Variants in RAP1A observed in about 807,000 individuals in gnomAD.
RAP1A encodes the protein RAP1A, member of RAS oncogene family.
RAP1A carries 6 observed loss-of-function variants against 26.4 expected under a neutral mutation model. The observed-to-expected ratio is 0.23, with a 90% CI of 0.12 to 0.45. The LOEUF (loss-of-function observed/expected upper bound fraction) is 0.45. Ranked by LOEUF, RAP1A falls within the 20% of genes least tolerant of loss-of-function variation. RAP1A has a pLI of 0.99. For missense variants in RAP1A, 121 were observed against 217.2 expected, an observed-to-expected ratio of 0.56 and a Z score of 2.78; for synonymous variants, 73 against 79.4, an observed-to-expected ratio of 0.92 and a Z score of 0.43.
intron 1 of RAP1A, among the ~76,000 whole-genome samples, chr1:111,652,310 A>T (rs1660300872): frequency 6.6e-6 from 1 of 152,216 alleles, no homozygotes; most frequent in Admixed American, 6.5e-5. Flanking sequence ...GACCCTGTGC[A>T]AATCTCTATG....
Position 111,700,220 on chromosome 1 carries a change from A to C in RAP1A, c.183+2723A>C, listed in dbSNP as rs543398991. Among the ~76,000 whole-genome samples, 64 of 152,310 alleles carry C rather than the reference A, an allele frequency of 4.2e-4. 1 individual carries two copies. Among genetic ancestry groups the C allele is most frequent in the Admixed American group, 4.2e-3 (64 of 15,294 alleles). The stretch of plus-strand genomic sequence containing the variant: ...CTAACTTTGTAACCCTGTCTGTATT[A>C]GGCCGTTTGCATTATTGTAAAGAAA... On this transcript the variant is annotated intron_variant, in intron 4 of 7. Coordinates refer to ENST00000369709, the MANE Select transcript of RAP1A (RefSeq NM_002884.4).
At chr1:111,665,746 A>T (rs1660781727) in intron 1 of RAP1A, among the ~76,000 whole-genome samples, 1 of 152,182 alleles carries the variant, frequency 6.6e-6, no homozygotes. Context: ...TGTAGTTCCT[A>T]AAGGCACAGA....
At chr1:111,607,769 G>A (rs1348006738) in intron 1 of RAP1A, among the ~76,000 whole-genome samples, 1 of 138,798 alleles carries the variant, frequency 7.2e-6, no homozygotes, top group East Asian at 2.1e-4. Context: ...GGGCGGCTGG[G>A]CAGAGGCGCC....
intron 1 of RAP1A, among the ~76,000 whole-genome samples, chr1:111,606,350 T>A (rs773522597): frequency 4.6e-5 from 7 of 151,714 alleles, no homozygotes; most frequent in Non-Finnish European, 1.0e-4. Context: ...AAAAAAAAAA[T>A]GCCTTCATTC....
chr1:111,647,025 C>T (rs1433093977), intron 1 of RAP1A, among the ~76,000 whole-genome samples: 1 of 151,974 alleles, frequency 6.6e-6, no homozygotes, highest in Non-Finnish European at 1.5e-5. Context: ...TGTCTCATAC[C>T]CTTAGATCAG....
chr1:111,706,388 TC>T (rs1460682819), intron 6 of RAP1A, among the ~76,000 whole-genome samples: 1 of 152,060 alleles, frequency 6.6e-6, no homozygotes, highest in Non-Finnish European at 1.5e-5. Flanking sequence ...AAAATTCACC[TC>T]TTGGCCTTAA....
intron 4 of RAP1A, among the ~76,000 whole-genome samples, chr1:111,698,489 G>A (rs373279485): frequency 2.0e-5 from 3 of 152,004 alleles, no homozygotes; most frequent in African/African-American, 7.3e-5. Context: ...GGCTAATCTC[G>A]AACTCCTGAC....
intron 1 of RAP1A, among the ~76,000 whole-genome samples, chr1:111,644,038 T>C (rs1223976602): frequency 6.6e-6 from 1 of 152,198 alleles, no homozygotes; most frequent in East Asian, 1.9e-4. Context: ...CTACTCACAT[T>C]ATTGACGATA....
At chr1:111,704,164 T>G (rs944385988) in intron 5 of RAP1A, among the ~76,000 whole-genome samples, 179 bp from the exon 6 acceptor site, 23 of 138,538 alleles carry the variant, frequency 1.7e-4, no homozygotes, top group Non-Finnish European at 3.3e-4. Flanking sequence ...TTTTTTTTTT[T>G]GTCTCTTCCT....
chr1:111,574,746 G>A (rs1250596656), intron 1 of RAP1A, among the ~76,000 whole-genome samples: 2 of 152,256 alleles, frequency 1.3e-5, no homozygotes, highest in African/African-American at 2.4e-5. Context: ...AGTAACTGTA[G>A]TAAATAGTTG....
chr1:111,572,605 C>T (rs1229364296), intron 1 of RAP1A, among the ~76,000 whole-genome samples: 1 of 152,180 alleles, frequency 6.6e-6, no homozygotes, highest in Non-Finnish European at 1.5e-5. Flanking sequence ...GCTCTGATTC[C>T]GAAGTTAGAC....
intron 1 of RAP1A, among the ~76,000 whole-genome samples, chr1:111,679,282 A>T (rs990081703): frequency 1.3e-5 from 2 of 152,146 alleles, no homozygotes; most frequent in African/African-American, 4.8e-5. Flanking sequence ...CGGGAAGTGC[A>T]AGGGGTCAGC....
chr1:111,697,227 A>G (rs954183084), intron 3 of RAP1A, among the ~76,000 whole-genome samples: 2 of 152,208 alleles, frequency 1.3e-5, no homozygotes, highest in East Asian at 1.9e-4. Flanking sequence ...ATCTAAACTC[A>G]GCATTAACCA....
intron 2 of RAP1A, among the ~76,000 whole-genome samples, chr1:111,692,284 C>T (rs1661694731): frequency 6.6e-6 from 1 of 151,854 alleles, no homozygotes; most frequent in Admixed American, 6.6e-5. Context: ...AGTGAGAGTC[C>T]AAATCAAAGA....
intron 1 of RAP1A, among the ~76,000 whole-genome samples, chr1:111,578,968 C>T (rs142976566): frequency 2.0e-5 from 3 of 152,304 alleles, no homozygotes; most frequent in African/African-American, 4.8e-5. Context: ...CAGTTTAGTA[C>T]AAACGATATT....
intron 1 of RAP1A, among the ~76,000 whole-genome samples, chr1:111,667,982 G>T (rs371298086): frequency 6.6e-6 from 1 of 152,152 alleles, no homozygotes; most frequent in Non-Finnish European, 1.5e-5. Flanking sequence ...AGACTCCACC[G>T]AGTGTCTGTG....
rs56156855 is a variant in RAP1A, at chr1:111,577,401, CAAAAAAAAA to C, written c.-28+34911_-28+34919del. On this transcript the variant is annotated intron_variant, in intron 1 of 7. Transcript: ENST00000356415. ...TGGGCAACAGAGCAAGACTCCATCG[CAAAAAAAAA>C]AAAAAAAAAAAAAAAAAAGAATAGC... Among the ~76,000 whole-genome samples the C allele has an allele frequency of 2.1e-4, 6 of 29,042 alleles. No individual in the cohort carries two copies. The Admixed American group carries it at 3.1e-3, about 15-fold the overall frequency. 19.1% of individuals were successfully genotyped at this position (29,042 alleles called of 152,430 possible).
At chr1:111,649,283 C>T (rs1205131079) in intron 1 of RAP1A, 4 of 467,898 alleles carry the variant, frequency 8.5e-6, no homozygotes, top group Admixed American at 4.8e-5. Flanking sequence ...TTTCCAGGCT[C>T]TCACTCTGTC....
chr1:111,558,283 T>G (rs1209830293), intron 1 of RAP1A, among the ~76,000 whole-genome samples: 1 of 151,758 alleles, frequency 6.6e-6, no homozygotes, highest in East Asian at 1.9e-4. Context: ...GCTCAAGTGG[T>G]CCTCTCACCT....
Sources: allele counts gnomAD v4.1 joint callset (sites outside exome capture counted in the v4.1 genomes callset), GRCh38; gene constraint gnomAD v4.1.1; transcripts MANE v1.5; gene names NCBI Gene and HGNC (gene_info 2026-07-23, HGNC 2026-07-21).